The following RAB3B variants were observed in gnomAD, a reference collection of about 807,000 sequenced individuals.
RAB3B encodes ras-related protein Rab-3B.
In RAB3B, 11 loss-of-function variants were observed where a neutral mutation model predicts 20.5. The ratio of observed to expected loss-of-function variants is 0.54; its 90% confidence interval spans 0.34 to 0.89. The LOEUF (loss-of-function observed/expected upper bound fraction) is 0.89, where lower values mean the gene tolerates loss of function less well. Among genes scored for constraint, RAB3B ranks in the 40% least tolerant of loss-of-function variants. RAB3B has a pLI of 0.02. For missense variants in RAB3B, 225 were observed against 280.9 expected (o/e 0.80, Z 1.42); for synonymous variants, 99 against 106.3 (o/e 0.93, Z 0.42).
intron 2 of RAB3B, among the ~76,000 whole-genome samples, chr1:51,963,796 G>A (rs773458393): frequency 1.6e-4 from 25 of 152,058 alleles, no homozygotes; most frequent in Admixed American, 7.9e-4. Context: ...GGGAATGTAG[G>A]TGCACAGTCT....
chr1:51,931,573 C>T (rs1456783123), intron 4 of RAB3B, among the ~76,000 whole-genome samples: 3 of 152,112 alleles, frequency 2.0e-5, no homozygotes, highest in Non-Finnish European at 4.4e-5. Context: ...TTGCATCCTC[C>T]GTGCCCGGCC....
In RAB3B at chr1:51,918,508, C is replaced by A. The variant is rs932896871; in HGVS notation, c.*1419G>T. ...GCACAGACTGTGAAGTCTCTGACAGCAGAGCTGGTACCAACAGGGAGGGAA... is the reference window on the plus strand; with the variant it reads ...GCACAGACTGTGAAGTCTCTGACAGAAGAGCTGGTACCAACAGGGAGGGAA... On this transcript the variant is annotated 3_prime_UTR_variant, in exon 5 of 5. Coordinates refer to ENST00000371655, the MANE Select transcript of RAB3B (RefSeq NM_002867.4). The A allele has an allele frequency of 6.6e-6, 1 of 152,196 alleles. No individual in the cohort carries two copies. The highest frequency in any genetic ancestry group is 2.4e-5 in the African/African-American group (1 of 41,430). 9.4% of individuals were successfully genotyped at this position (152,196 alleles called of 1,614,324 possible).
At chr1:51,966,028 G>A (rs1470082362) in intron 2 of RAB3B, among the ~76,000 whole-genome samples, 1 of 152,210 alleles carries the variant, frequency 6.6e-6, no homozygotes, top group Non-Finnish European at 1.5e-5. Context: ...TTCAATGTGT[G>A]CGTGCCTGGT....
intron 2 of RAB3B, among the ~76,000 whole-genome samples, chr1:51,952,493 T>C (rs7533571): frequency 0.83 from 126,583 of 151,728 alleles, 53,623 homozygotes; most frequent in East Asian, 0.96. Context: ...AATAAATATT[T>C]TTAATGAATA....
chr1:51,979,047 C>T (rs1052815028), intron 1 of RAB3B, among the ~76,000 whole-genome samples: 9 of 152,286 alleles, frequency 5.9e-5, no homozygotes, highest in South Asian at 2.1e-4. Context: ...TAAGTTCCAT[C>T]CCTGTATCAA....
chr1:51,968,706 A>G (rs566258054), intron 2 of RAB3B, among the ~76,000 whole-genome samples: 2 of 152,242 alleles, frequency 1.3e-5, no homozygotes, highest in South Asian at 4.2e-4. Context: ...AATACTCACT[A>G]GCTTTAATAT....
At chr1:51,983,788 A>G (rs945966083) in intron 1 of RAB3B, among the ~76,000 whole-genome samples, 7 of 142,776 alleles carry the variant, frequency 4.9e-5, no homozygotes, top group African/African-American at 1.8e-4. Flanking sequence ...GGTGAAATCC[A>G]GTCTCTACTA....
chr1:51,933,534 C>T (rs1301248376), intron 3 of RAB3B, 92 bp from the exon 4 acceptor site: 18 of 1,253,298 alleles, frequency 1.4e-5, no homozygotes. Flanking sequence ...GAAGCCTAAT[C>T]CCCAATGTAA....
At chr1:51,977,601 G>GA (rs959390996) in intron 1 of RAB3B, among the ~76,000 whole-genome samples, 18 of 150,160 alleles carry the variant, frequency 1.2e-4, no homozygotes, top group Admixed American at 2.7e-4. Flanking sequence ...TTTGGGGAAA[G>GA]AAAAAAAAAG....
chr1:51,913,496 G>C lies in RAB3B; in HGVS notation c.*6431C>G, dbSNP rs1263858331. On this transcript the variant is annotated 3_prime_UTR_variant, in exon 5 of 5. Coordinates refer to ENST00000371655, the MANE Select transcript of RAB3B (RefSeq NM_002867.4). The stretch of plus-strand genomic sequence containing the variant: ...CCTCCCCTTTTTTTTTTTTGAGACT[G>C]AGTCTGGCTCTATCGCCCAGGCTGA... The C allele has an allele frequency of 6.7e-6, 1 of 148,674 alleles. No homozygotes were observed. The highest frequency in any genetic ancestry group is 1.5e-5 in the Non-Finnish European group (1 of 67,378). The allele number at this position is 148,674 out of a possible 1,614,324, so 9.2% of individuals were successfully genotyped here.
rs1265549729 is a variant in RAB3B, at chr1:51,912,117, TTTC to T, written c.*7807_*7809del. 4 of 148,300 alleles carry T rather than the reference TTTC, an allele frequency of 2.7e-5. No individual in the cohort carries two copies. Among genetic ancestry groups the T allele is most frequent in the Admixed American group, 2.0e-4 (3 of 14,878 alleles). 9.2% of individuals were successfully genotyped at this position (148,300 alleles called of 1,614,324 possible). A position where few individuals can be genotyped will look rare whatever the true frequency, so the allele number is the denominator to read the frequency against. On this transcript the variant is annotated 3_prime_UTR_variant, in exon 5 of 5. Transcript: ENST00000371655. ...TTTTCTTCTTTTTTTTCTTTCTTTC[TTTC>T]TTTTTTTTTTTTTTTTGAGAGGGGG...
At chr1:51,939,582 C>T (rs970740323) in intron 2 of RAB3B, among the ~76,000 whole-genome samples, 4 of 151,944 alleles carry the variant, frequency 2.6e-5, no homozygotes, top group African/African-American at 9.7e-5. Context: ...GCCAGTGTAC[C>T]CAGCTTTTTT....
intron 2 of RAB3B, among the ~76,000 whole-genome samples, chr1:51,964,776 C>T (rs772039359): frequency 5.3e-5 from 8 of 152,194 alleles, no homozygotes; most frequent in Non-Finnish European, 1.2e-4. Context: ...TCTGACTACT[C>T]TCACTACTAC....
intron 4 of RAB3B, among the ~76,000 whole-genome samples, chr1:51,922,384 G>A (rs1016339816): frequency 6.6e-6 from 1 of 152,176 alleles, no homozygotes; most frequent in African/African-American, 2.4e-5. Context: ...ATGCCACATT[G>A]TACAGAGGGC....
chr1:51,932,098 T>C (rs1013509184), intron 4 of RAB3B, among the ~76,000 whole-genome samples: 1 of 152,046 alleles, frequency 6.6e-6, no homozygotes. Context: ...TTGCTACAGT[T>C]TACAGGACAC....
chr1:51,909,295 C>T lies in RAB3B; in HGVS notation c.*10632G>A, dbSNP rs2124209861. ...TCTGAGACGAATACCATCTATCCCC[C>T]TAGACTCTCACAGTGGCTCCACCTT... On this transcript the variant is annotated 3_prime_UTR_variant, in exon 5 of 5. Transcript: ENST00000371655. 6.6e-6 allele frequency: 1 copy of T among 152,282 alleles called. No individual in the cohort carries two copies. Among genetic ancestry groups the T allele is most frequent in the East Asian group, 1.9e-4 (1 of 5,188 alleles). 9.4% of individuals were successfully genotyped at this position (152,282 alleles called of 1,614,324 possible).
At chr1:51,987,777 C>G (rs1290057889) in intron 1 of RAB3B, among the ~76,000 whole-genome samples, 1 of 152,162 alleles carries the variant, frequency 6.6e-6, no homozygotes, top group African/African-American at 2.4e-5. Context: ...GAAATCCACG[C>G]CTACTCAAGA....
At chr1:51,931,066 T>G (rs1442502012) in intron 4 of RAB3B, among the ~76,000 whole-genome samples, 5 of 152,124 alleles carry the variant, frequency 3.3e-5, no homozygotes, top group African/African-American at 7.2e-5. Flanking sequence ...GTATATTTTT[T>G]TCTAATACAT....
intron 3 of RAB3B, among the ~76,000 whole-genome samples, chr1:51,935,172 T>A (rs2124252789): frequency 6.6e-6 from 1 of 152,318 alleles, no homozygotes; most frequent in South Asian, 2.1e-4. Context: ...AGATCTTGAA[T>A]CTGACTCTAC....
Sources: allele counts gnomAD v4.1 joint callset (sites outside exome capture counted in the v4.1 genomes callset), GRCh38; gene constraint gnomAD v4.1.1; transcripts MANE v1.5; gene names NCBI Gene and HGNC (gene_info 2026-07-23, HGNC 2026-07-21).